Variants in CHRM3 observed in about 807,000 individuals in gnomAD.
The protein encoded by CHRM3 is cholinergic receptor muscarinic 3.
In CHRM3, 11 loss-of-function variants were observed where a neutral mutation model predicts 41.8. That is an observed-to-expected ratio of 0.26 (90% CI 0.17 to 0.44). CHRM3 has a LOEUF of 0.44. CHRM3 is among the 20% of genes least tolerant of loss of function. The pLI is 1.00. For missense variants in CHRM3, 571 were observed against 745.4 expected (o/e 0.77, Z 2.72); for synonymous variants, 297 against 301.4 (o/e 0.99, Z 0.15).
At chr1:239,668,366 G>A (rs912675153) in intron 4 of CHRM3, among the ~76,000 whole-genome samples, 3 of 151,832 alleles carry the variant, frequency 2.0e-5, no homozygotes, top group African/African-American at 7.3e-5. Context: ...TGGGATTACA[G>A]GTGTGAGCCA....
At position 239,760,161 on chromosome 1, in the gene CHRM3, G is replaced by C. The variant is rs530579214; in HGVS notation, c.-146-67091G>C. On this transcript the variant is annotated intron_variant, in intron 5 of 6. Coordinates refer to ENST00000676153, the MANE Select transcript of CHRM3 (RefSeq NM_001375978.1). ...AGGATGGTCTCGATCTCCTGACCTC[G>C]TGATCCGCCCACCTCGGCCCCCCAA... Among the ~76,000 whole-genome samples the C allele has an allele frequency of 2.1e-4, 32 of 151,186 alleles. No homozygotes were observed. In the South Asian group the frequency reaches 6.5e-3, roughly 31 times the overall value.
chr1:239,849,450 A>G (rs1674525135), intron 6 of CHRM3, among the ~76,000 whole-genome samples: 1 of 152,240 alleles, frequency 6.6e-6, no homozygotes, highest in Non-Finnish European at 1.5e-5. Flanking sequence ...AAGGTTGTTG[A>G]CTTCATCTCT....
chr1:239,480,933 G>A (rs532533650), intron 1 of CHRM3, among the ~76,000 whole-genome samples: 14 of 152,270 alleles, frequency 9.2e-5, no homozygotes, highest in African/African-American at 3.4e-4. Flanking sequence ...CCACTAACTT[G>A]CAGAGTGAGG....
intron 5 of CHRM3, chr1:239,704,256 A>G (rs1660940208): frequency 6.6e-6 from 1 of 152,232 alleles, no homozygotes; most frequent in Non-Finnish European, 1.5e-5. Context: ...GTGGGCCCGC[A>G]TCATACACCC....
At chr1:239,521,513 C>T (rs1669634950) in intron 2 of CHRM3, among the ~76,000 whole-genome samples, 1 of 152,204 alleles carries the variant, frequency 6.6e-6, no homozygotes, top group Non-Finnish European at 1.5e-5. Flanking sequence ...TCTATCATTA[C>T]AATGAATATA....
chr1:239,595,011 C>G (rs1664627296), intron 3 of CHRM3, among the ~76,000 whole-genome samples: 1 of 152,216 alleles, frequency 6.6e-6, no homozygotes, highest in Non-Finnish European at 1.5e-5. Flanking sequence ...ATCGCTTGAA[C>G]CCGGCAGGTG....
chr1:239,709,368 A>C (rs1277479714), intron 5 of CHRM3, among the ~76,000 whole-genome samples: 3 of 152,210 alleles, frequency 2.0e-5, no homozygotes, highest in African/African-American at 7.2e-5. Context: ...CGCCGTGTCT[A>C]AAATAGTCAT....
chr1:239,537,731 T>G (rs563647033), intron 2 of CHRM3, among the ~76,000 whole-genome samples: 75 of 152,366 alleles, frequency 4.9e-4, no homozygotes, highest in Middle Eastern at 6.8e-3. Context: ...CCAAAGTTCA[T>G]CGATCCTCAT....
At chr1:239,724,176 C>T (rs994347693) in intron 5 of CHRM3, among the ~76,000 whole-genome samples, 1 of 151,700 alleles carries the variant, frequency 6.6e-6, no homozygotes, top group African/African-American at 2.4e-5. Flanking sequence ...CTTAGGAGGG[C>T]ATGGACGCAT....
chr1:239,630,122 A>G (rs1371383909), intron 3 of CHRM3, among the ~76,000 whole-genome samples: 1 of 152,224 alleles, frequency 6.6e-6, no homozygotes, highest in South Asian at 2.1e-4. Flanking sequence ...AAGATGTTCA[A>G]TCTCATTTAT....
chr1:239,905,542 C>T (rs1263904112), intron 6 of CHRM3, among the ~76,000 whole-genome samples: 2 of 152,042 alleles, frequency 1.3e-5, no homozygotes, highest in African/African-American at 4.8e-5. Context: ...CCCATCTCTA[C>T]TAAAAATACA....
At chr1:239,660,551 A>G (rs900238355) in intron 4 of CHRM3, among the ~76,000 whole-genome samples, 1 of 152,202 alleles carries the variant, frequency 6.6e-6, no homozygotes, top group African/African-American at 2.4e-5. Flanking sequence ...CCAGACAAGT[A>G]TGAAAGATGG....
chr1:239,548,021 A>G lies in CHRM3; in HGVS notation c.-313+2272A>G, dbSNP rs539141887. Among the ~76,000 whole-genome samples, 27 of 152,282 alleles carry G rather than the reference A, an allele frequency of 1.8e-4. No individual in the cohort carries two copies. The South Asian group carries it at 3.3e-3, about 19-fold the overall frequency. On this transcript the variant is annotated intron_variant, in intron 3 of 6. Coordinates refer to ENST00000676153, the MANE Select transcript of CHRM3 (RefSeq NM_001375978.1). ...AGAGCAAAAAAGAAAGGAGGTATAA[A>G]TGTAGAAAATGTTTCACAAAGTGAT...
intron 5 of CHRM3, among the ~76,000 whole-genome samples, chr1:239,768,497 C>CGTAAGAATTA (rs1667398623): frequency 1.0e-4 from 2 of 19,618 alleles, no homozygotes; most frequent in South Asian, 1.2e-3. Context: ...TGAAAATAAA[C>CGTAAGAATTA]ATGGTGAAAA....
intron 3 of CHRM3, among the ~76,000 whole-genome samples, chr1:239,594,341 T>C (rs1664544388): frequency 6.6e-6 from 1 of 152,224 alleles, no homozygotes; most frequent in Non-Finnish European, 1.5e-5. Flanking sequence ...AAATGTGGTG[T>C]GTATCACAAG....
At chr1:239,433,582 C>A (rs1356826935) in intron 1 of CHRM3, among the ~76,000 whole-genome samples, 1 of 151,986 alleles carries the variant, frequency 6.6e-6, no homozygotes, top group Non-Finnish European at 1.5e-5. Flanking sequence ...TACACTGAAC[C>A]CAATTTGTAG....
intron 5 of CHRM3, among the ~76,000 whole-genome samples, chr1:239,749,162 C>T (rs1665603019): frequency 2.0e-5 from 3 of 152,176 alleles, no homozygotes; most frequent in South Asian, 2.1e-4. Flanking sequence ...AAAGACAAAT[C>T]GTTATAGGTG....
intron 6 of CHRM3, among the ~76,000 whole-genome samples, chr1:239,906,484 C>T (rs1360357708): frequency 6.6e-6 from 1 of 152,026 alleles, no homozygotes; most frequent in Non-Finnish European, 1.5e-5. Context: ...AGAAGTACAG[C>T]CCTGGAGGCT....
intron 3 of CHRM3, among the ~76,000 whole-genome samples, chr1:239,607,660 A>C (rs1442926333): frequency 6.6e-6 from 1 of 150,766 alleles, no homozygotes; most frequent in African/African-American, 2.5e-5. Flanking sequence ...AGCTCAAACT[A>C]AAAAAAAGGC....
Sources: allele counts gnomAD v4.1 joint callset (sites outside exome capture counted in the v4.1 genomes callset), GRCh38; gene constraint gnomAD v4.1.1; transcripts MANE v1.5; gene names NCBI Gene and HGNC (gene_info 2026-07-23, HGNC 2026-07-21).